The following SMAD4 variants were observed in gnomAD, a reference collection of about 807,000 sequenced individuals.
SMAD4 encodes the protein MAD homolog 4.
Under a neutral mutation model 63.2 loss-of-function variants are expected in SMAD4, and 7 were observed. The observed-to-expected ratio is 0.11, with a 90% CI of 0.06 to 0.21. SMAD4 has a LOEUF of 0.21. SMAD4 is among the 10% of genes least tolerant of loss of function. The pLI, the probability that SMAD4 is intolerant of heterozygous loss-of-function variation, is 1.00. For synonymous variants in SMAD4, 215 were observed against 235.4 expected, an observed-to-expected ratio of 0.91 and a Z score of 0.79; for missense variants, 312 against 693.8, an observed-to-expected ratio of 0.45 and a Z score of 6.18.
rs1057523968 is a variant in SMAD4, at chr18:51,078,341, G to A, written c.1533G>A (p.Pro511=). The A allele has an allele frequency of 3.1e-6, 5 of 1,614,002 alleles. No individual in the cohort carries two copies. Among genetic ancestry groups the A allele is most frequent in the East Asian group, 4.5e-5 (2 of 44,898 alleles). ...TGAGTTTTGTGAAAGGCTGGGGACC[G>A]GATTACCCAAGACAGAGCATCAAAG... The part of the protein sequence containing the change: ...LRMSFVKGWG[P]DYPRQSIKET... The change falls in exon 12 of 12, where the codon CCG becomes CCA. Residue 511 remains proline (P), a synonymous_variant. Transcript: ENST00000342988.
intron 10 of SMAD4, among the ~76,000 whole-genome samples, chr18:51,073,392 C>A (rs35752513): frequency 9.8e-4 from 28 of 28,606 alleles, no homozygotes; most frequent in Admixed American, 1.6e-3. Flanking sequence ...TATATATACA[C>A]ACACACACAC....
chr18:51,041,322 T>TA (rs1909374062), intron 1 of SMAD4, among the ~76,000 whole-genome samples: 1 of 152,234 alleles, frequency 6.6e-6, no homozygotes, highest in Non-Finnish European at 1.5e-5. Flanking sequence ...AATCCATTAA[T>TA]ACTATTCTAC....
intron 10 of SMAD4, among the ~76,000 whole-genome samples, chr18:51,071,188 G>T (rs992974155): frequency 6.6e-6 from 1 of 151,944 alleles, no homozygotes; most frequent in Non-Finnish European, 1.5e-5. Context: ...GATATTATTG[G>T]GGTAAATTGT....
At chr18:51,064,317 C>A (rs1341695271) in intron 8 of SMAD4, among the ~76,000 whole-genome samples, 1 of 152,180 alleles carries the variant, frequency 6.6e-6, no homozygotes, top group Non-Finnish European at 1.5e-5. Context: ...TGGGATGTCC[C>A]CTACCATCCA....
intron 7 of SMAD4, among the ~76,000 whole-genome samples, chr18:51,059,199 A>G (rs1031931075): frequency 6.6e-6 from 1 of 152,078 alleles, no homozygotes; most frequent in Admixed American, 6.6e-5. Context: ...GCTTCTTTTC[A>G]GTTATGTTAC....
At chr18:51,063,634 A>T (rs914548441) in intron 8 of SMAD4, among the ~76,000 whole-genome samples, 1 of 151,468 alleles carries the variant, frequency 6.6e-6, no homozygotes, top group Non-Finnish European at 1.5e-5. Context: ...GCTGGCCTTG[A>T]CCTCCTGGGC....
At chr18:51,071,281 TAC>T (rs150437859) in intron 10 of SMAD4, among the ~76,000 whole-genome samples, 66 of 149,592 alleles carry the variant, frequency 4.4e-4, no homozygotes, top group African/African-American at 5.6e-4. Flanking sequence ...CACACACACA[TAC>T]ACACACACAC....
At chr18:51,076,071 T>C (rs1282513835) in intron 10 of SMAD4, among the ~76,000 whole-genome samples, 1 of 152,254 alleles carries the variant, frequency 6.6e-6, no homozygotes, top group Admixed American at 6.5e-5. Context: ...TATATTTGTT[T>C]GATCTAGTCT....
chr18:51,061,531 C>T (rs932017551), intron 8 of SMAD4, among the ~76,000 whole-genome samples: 1 of 152,136 alleles, frequency 6.6e-6, no homozygotes, highest in East Asian at 1.9e-4. Flanking sequence ...GTGACTGAAT[C>T]GCATTTTTTT....
intron 4 of SMAD4, among the ~76,000 whole-genome samples, chr18:51,050,023 T>C (rs1049788775): frequency 6.6e-6 from 1 of 152,106 alleles, no homozygotes; most frequent in African/African-American, 2.4e-5. Flanking sequence ...TAAACTAAAA[T>C]TTCTGTAAGA....
chr18:51,040,168 C>T (rs1023860948), intron 1 of SMAD4, among the ~76,000 whole-genome samples: 1 of 152,112 alleles, frequency 6.6e-6, no homozygotes, highest in Non-Finnish European at 1.5e-5. Flanking sequence ...TGGCTCATAC[C>T]TGTAATCCAG....
rs1910554779 is a variant in SMAD4, at chr18:51,079,490, G to A, written c.*1023G>A. On this transcript the variant is annotated 3_prime_UTR_variant, in exon 12 of 12. Coordinates refer to ENST00000342988, the MANE Select transcript of SMAD4 (RefSeq NM_005359.6). ...CATTACAGTTCATAATAGGTAGTTT[G>A]GATATTTTTGTACTTGATTTGATGT... The A allele has an allele frequency of 4.3e-6, 1 of 233,206 alleles. No individual in the cohort carries two copies. Among genetic ancestry groups the A allele is most frequent in the Admixed American group, 5.6e-5 (1 of 17,776 alleles). 14.4% of individuals were successfully genotyped at this position (233,206 alleles called of 1,614,324 possible). A position where few individuals can be genotyped will look rare whatever the true frequency, so the allele number is the denominator to read the frequency against.
At position 51,083,765 on chromosome 18, in the gene SMAD4, G is replaced by A. The variant is rs1910668755; in HGVS notation, c.*5298G>A. On this transcript the variant is annotated 3_prime_UTR_variant, in exon 12 of 12. Coordinates refer to ENST00000342988, the MANE Select transcript of SMAD4 (RefSeq NM_005359.6). ...GGAGTAGATTAATTATTCCAGCTCTGAAATTCTAAGTGACCTTGGCTACCT... is the reference window on the plus strand; with the variant it reads ...GGAGTAGATTAATTATTCCAGCTCTAAAATTCTAAGTGACCTTGGCTACCT... The A allele has an allele frequency of 8.7e-6, 2 of 230,268 alleles. No individual in the cohort carries two copies. Among genetic ancestry groups the A allele is most frequent in the East Asian group, 6.1e-5 (1 of 16,294 alleles). The allele number at this position is 230,268 out of a possible 1,614,324, so 14.3% of individuals were successfully genotyped here.
At position 51,082,622 on chromosome 18, in the gene SMAD4, C is replaced by T. The variant is rs1910636878; in HGVS notation, c.*4155C>T. 1 of 230,010 alleles carries T rather than the reference C, an allele frequency of 4.3e-6. No individual in the cohort carries two copies. The highest frequency in any genetic ancestry group is 2.2e-5 in the African/African-American group (1 of 45,024). The allele number at this position is 230,010 out of a possible 1,614,324, so 14.2% of individuals were successfully genotyped here. On this transcript the variant is annotated 3_prime_UTR_variant, in exon 12 of 12. Transcript: ENST00000342988. ...TATCAGAGGATATACTAGATGGTAA[C>T]ATTTCTTTCTGTGCTTGGCTATCTT... is the stretch of plus-strand genomic sequence containing the variant.
intron 1 of SMAD4, among the ~76,000 whole-genome samples, chr18:51,042,744 T>C (rs1205301939): frequency 2.0e-5 from 3 of 151,356 alleles, no homozygotes; most frequent in African/African-American, 4.9e-5. Context: ...CTCTGTCACT[T>C]GGGCTGGAGT....
rs528878031 is a variant in SMAD4 at position 51,081,693 on chromosome 18, G to A, written c.*3226G>A. 1.3e-5 allele frequency: 3 copies of A among 232,688 alleles called. No individual in the cohort carries two copies. The South Asian group carries it at 5.4e-4, about 42-fold the overall frequency. The allele number at this position is 232,688 out of a possible 1,614,324, so 14.4% of individuals were successfully genotyped here. The stretch of plus-strand genomic sequence containing the variant: ...TGGGGCAGGGTGTGGTGTGTAAAGG[G>A]GGGTGTTTGTAATACAAGTTGAAGG... On this transcript the variant is annotated 3_prime_UTR_variant, in exon 12 of 12. Transcript: ENST00000342988.
intron 4 of SMAD4, chr18:51,051,401 A>G (rs1944559060): frequency 2.2e-6 from 1 of 456,224 alleles, no homozygotes. Context: ...GGACAAAGGA[A>G]TGATACAAGA....
chr18:51,042,312 C>T (rs1441795865), intron 1 of SMAD4, among the ~76,000 whole-genome samples: 1 of 131,072 alleles, frequency 7.6e-6, no homozygotes, highest in Non-Finnish European at 1.6e-5. Flanking sequence ...TCCCTCCCTC[C>T]CTCCCTCCCT....
chr18:51,075,941 G>A (rs1224348106), intron 10 of SMAD4, among the ~76,000 whole-genome samples: 1 of 152,118 alleles, frequency 6.6e-6, no homozygotes, highest in Non-Finnish European at 1.5e-5. Context: ...TATCGGTGAT[G>A]GGATTTAAAA....
Sources: allele counts gnomAD v4.1 joint callset (sites outside exome capture counted in the v4.1 genomes callset), GRCh38; gene constraint gnomAD v4.1.1; transcripts MANE v1.5; gene names NCBI Gene and HGNC (gene_info 2026-07-23, HGNC 2026-07-21).